The following SCML2 variants were observed in gnomAD, a reference collection of about 807,000 sequenced individuals.
SCML2 encodes sex comb on midleg-like protein 2.
In SCML2, 6 loss-of-function variants were observed where a neutral mutation model predicts 48.4. The ratio of observed to expected loss-of-function variants is 0.12; its 90% CI spans 0.07 to 0.24. The LOEUF is 0.24. SCML2 is among the 10% of genes least tolerant of loss of function. The pLI, the probability that SCML2 is intolerant of heterozygous loss-of-function variation, is 1.00. For missense variants in SCML2, 377 were observed against 528.2 expected, an observed-to-expected ratio of 0.71 and a Z score of 2.81; for synonymous variants, 181 against 189.5, an observed-to-expected ratio of 0.95 and a Z score of 0.37.
chrX:18,280,280 G>A (rs1927783939), intron 7 of SCML2, among the ~76,000 whole-genome samples: 1 of 111,406 alleles, frequency 9.0e-6, no homozygotes, highest in African/African-American at 3.3e-5. Flanking sequence ...ATACATGAGG[G>A]AGAAATAAAA....
chrX:18,317,907 G>A (rs1356237072), intron 6 of SCML2, among the ~76,000 whole-genome samples: 1 of 110,125 alleles, frequency 9.1e-6, no homozygotes, highest in Non-Finnish European at 1.9e-5. Flanking sequence ...AGAGAGGAAT[G>A]AAGGAATGGT....
chrX:18,355,074 G>A (rs917613956), upstream of SCML2, among the ~76,000 whole-genome samples: 5 of 111,328 alleles, frequency 4.5e-5, no homozygotes, highest in Non-Finnish European at 7.5e-5. Context: ...AAAAGCAGGC[G>A]CTTCCCTCGG....
rs746431886 is a variant in SCML2, at chrX:18,304,974, C to T, written c.728G>A (p.Ser243Asn). Reference protein sequence around the residue: ...TGDVLQPPGTSVPIVKNIAKT... With the variant: ...TGDVLQPPGTNVPIVKNIAKT... ...AAAGTAGTTAATTATTATCTTACCA[C>T]TAGTTCCTGGGGGTTGTAATACATC... The change falls in exon 7 of 15, where the codon AGT (serine) becomes AAT (asparagine). Residue 243 changes from serine to asparagine, a missense_variant and splice_region_variant. Ser to Asn is a conservative substitution (Grantham distance 46). This residue lies in a region of SCML2 where 299 missense variants were observed against 425.5 expected (regional missense o/e 0.70). Coordinates refer to ENST00000251900, the MANE Select transcript of SCML2 (RefSeq NM_006089.3). 19 of 1,203,054 alleles carry T rather than the reference C, an allele frequency of 1.6e-5. No homozygotes were observed. Among genetic ancestry groups the T allele is most frequent in the Non-Finnish European group, 1.9e-5 (17 of 892,978 alleles).
intron 1 of SCML2, among the ~76,000 whole-genome samples, chrX:18,336,710 C>CT (rs752650879): frequency 4.5e-5 from 5 of 110,544 alleles, no homozygotes; most frequent in Middle Eastern, 4.6e-3. Flanking sequence ...GCACTCCAGC[C>CT]TGGGCGACAG....
intron 7 of SCML2, among the ~76,000 whole-genome samples, chrX:18,300,154 C>T (rs1260169694): frequency 2.7e-5 from 3 of 111,140 alleles, no homozygotes; most frequent in Non-Finnish European, 5.7e-5. Context: ...AATCCCAGCA[C>T]TTTGGGAGAC....
At chrX:18,297,528 T>C (rs1928435440) in intron 7 of SCML2, among the ~76,000 whole-genome samples, 1 of 112,090 alleles carries the variant, frequency 8.9e-6, no homozygotes, top group Non-Finnish European at 1.9e-5. Context: ...TGATCTTGTA[T>C]TTAGAAAAAC....
At chrX:18,296,262 G>A (rs1928394472) in intron 7 of SCML2, among the ~76,000 whole-genome samples, 1 of 110,099 alleles carries the variant, frequency 9.1e-6, no homozygotes, top group Admixed American at 9.7e-5. Flanking sequence ...GAAATAGATA[G>A]CATAAAAAGA....
rs1926228819 is a variant in SCML2 at position 18,240,569 on chromosome X, A to G, written c.*682T>C. ...CTGCATAAAATGACAATTCTATCCT[A>G]TAATTTAAAAAATTTATCAAAAACT... is the stretch of plus-strand genomic sequence containing the variant. On this transcript the variant is annotated 3_prime_UTR_variant, in exon 15 of 15. Coordinates refer to ENST00000251900, the MANE Select transcript of SCML2 (RefSeq NM_006089.3). The G allele has an allele frequency of 8.9e-6, 1 of 112,547 alleles. No individual in the cohort carries two copies. The highest frequency in any genetic ancestry group is 9.5e-5 in the Admixed American group (1 of 10,578). 9.3% of individuals were successfully genotyped at this position (112,547 alleles called of 1,213,427 possible). A position where few individuals can be genotyped will look rare whatever the true frequency, so the allele number is the denominator to read the frequency against.
chrX:18,257,086 C>T (rs746210144), intron 10 of SCML2, 56 bp from the exon 11 acceptor site: 18 of 808,393 alleles, frequency 2.2e-5, no homozygotes, highest in Non-Finnish European at 2.9e-5. Context: ...AAATACAACA[C>T]TAATTAAAAA....
chrX:18,277,790 C>T (rs756326771), intron 7 of SCML2, among the ~76,000 whole-genome samples: 8 of 111,174 alleles, frequency 7.2e-5, no homozygotes, highest in Admixed American at 9.5e-5. Context: ...AAACAAATAT[C>T]GACATGCCCT....
At chrX:18,349,854 T>C (rs1171477083) in intron 1 of SCML2, among the ~76,000 whole-genome samples, 1 of 112,403 alleles carries the variant, frequency 8.9e-6, no homozygotes, top group African/African-American at 3.2e-5. Flanking sequence ...AAGGTAACCC[T>C]AGAAATAGAC....
rs377384274 is a variant in SCML2 at position 18,265,665 on chromosome X, C to T, written c.868G>A (p.Gly290Arg). 7 of 1,209,044 alleles carry T rather than the reference C, an allele frequency of 5.8e-6. No individual in the cohort carries two copies. In the African/African-American group the frequency reaches 1.2e-4, roughly 21 times the overall value. ...VRRSSRIKPP[G>R]PTAVPKRSSS... ...CTCCTTTTGGGGACTGCAGTAGGTC[C>T]AGGTGGTTTAATTCGACTTGATCTC... Residue 290 changes from glycine to arginine, a missense_variant, in exon 8 of 15, where the codon GGA becomes AGA. Physicochemically the swap from Gly to Arg is moderately radical, Grantham distance 125. Coordinates refer to ENST00000251900, the MANE Select transcript of SCML2 (RefSeq NM_006089.3).
intron 11 of SCML2, among the ~76,000 whole-genome samples, chrX:18,252,309 T>C (rs1926692212): frequency 8.9e-6 from 1 of 112,586 alleles, no homozygotes; most frequent in Non-Finnish European, 1.9e-5. Flanking sequence ...AAACACATTA[T>C]GCTAAGTGAA....
At chrX:18,263,705 T>C (rs1253472423) in intron 8 of SCML2, among the ~76,000 whole-genome samples, 1 of 111,778 alleles carries the variant, frequency 8.9e-6, no homozygotes, top group Non-Finnish European at 1.9e-5. Flanking sequence ...CTAAGGAATC[T>C]TTTCTACTTT....
rs946612241 is a variant in SCML2, at chrX:18,240,153, G to C, written c.*1098C>G. 1 of 111,978 alleles carries C rather than the reference G, an allele frequency of 8.9e-6. No individual in the cohort carries two copies. Among genetic ancestry groups the C allele is most frequent in the Non-Finnish European group, 1.9e-5 (1 of 53,241 alleles). 9.2% of individuals were successfully genotyped at this position (111,978 alleles called of 1,213,427 possible). A position where few individuals can be genotyped will look rare whatever the true frequency, so the allele number is the denominator to read the frequency against. Reference sequence around the variant, plus strand: ...TACAGATTGTTTCATATCCCCTGAAGAGTAAGCTGAGAGGTACTGGTGATA... The same window carrying C: ...TACAGATTGTTTCATATCCCCTGAACAGTAAGCTGAGAGGTACTGGTGATA... On this transcript the variant is annotated 3_prime_UTR_variant, in exon 15 of 15. Transcript: ENST00000251900.
In SCML2 at chrX:18,282,492, G is replaced by T. The variant is rs139587396; in HGVS notation, c.731-16690C>A. The stretch of plus-strand genomic sequence containing the variant: ...GTCTCTATTAACAATACAAAAATTA[G>T]CCAAGCATAGTAGCACACACCTGTA... On this transcript the variant is annotated intron_variant, in intron 7 of 14. Transcript: ENST00000251900. Among the ~76,000 whole-genome samples, 548 of 110,891 alleles carry T rather than the reference G, an allele frequency of 4.9e-3. 2 individuals carry two copies. The highest frequency in any genetic ancestry group is 0.017 in the African/African-American group (510 of 30,492).
intron 7 of SCML2, among the ~76,000 whole-genome samples, chrX:18,282,989 T>C (rs750803472): frequency 5.4e-5 from 6 of 110,215 alleles, no homozygotes; most frequent in Non-Finnish European, 1.1e-4. Flanking sequence ...GGCAGAGACA[T>C]GACAAAGAAA....
At chrX:18,336,882 G>C (rs1929838924) in intron 1 of SCML2, among the ~76,000 whole-genome samples, 1 of 111,675 alleles carries the variant, frequency 9.0e-6, no homozygotes, top group Non-Finnish European at 1.9e-5. Context: ...TGCTTACAAA[G>C]GAGAAAAAAC....
Position 18,347,785 on chromosome X carries a change from T to TA in SCML2, c.-25+6806dup, listed in dbSNP as rs1207708485. Among the ~76,000 whole-genome samples, 615 of 96,700 alleles carry TA rather than the reference T, an allele frequency of 6.4e-3. 2 individuals carry two copies. The highest frequency in any genetic ancestry group is 0.016 in the African/African-American group (429 of 27,006). 84.0% of individuals were successfully genotyped at this position (96,700 alleles called of 115,157 possible). On this transcript the variant is annotated intron_variant, in intron 1 of 14. Transcript: ENST00000251900. ...TTCATCTCCATATTTCTGAAATCTG[T>TA]AAAAAAAAATCAAAGAACATTTTTG...
Sources: gnomAD v4.1 joint callset for allele counts (sites outside exome capture counted in the v4.1 genomes callset) on GRCh38, gnomAD v4.1.1 for gene constraint, gnomAD v4.1.1 regional missense constraint, MANE v1.5 for transcripts, NCBI Gene and HGNC (gene_info 2026-07-23, HGNC 2026-07-21) for gene names.